TRABD2B: variants seen among roughly 807,000 people sequenced by gnomAD.
TRABD2B encodes metalloprotease TIKI2.
TRABD2B carries 14 observed loss-of-function variants against 40.1 expected under a neutral mutation model. The observed-to-expected ratio is 0.35, with a 90% CI of 0.23 to 0.55. TRABD2B has a LOEUF of 0.55. Among genes scored for constraint, TRABD2B ranks in the 20% least tolerant of loss-of-function variants. The pLI is 0.90. For missense variants in TRABD2B, 541 were observed against 648.6 expected, an observed-to-expected ratio of 0.83 and a Z score of 1.80; for synonymous variants, 263 against 277.0, an observed-to-expected ratio of 0.95 and a Z score of 0.50.
At chr1:47,805,848 C>T (rs1448104819) in intron 2 of TRABD2B, among the ~76,000 whole-genome samples, 1 of 152,026 alleles carries the variant, frequency 6.6e-6, no homozygotes, top group Non-Finnish European at 1.5e-5. Flanking sequence ...AAAGAGACAT[C>T]AAATACCTTG....
At chr1:47,851,798 C>A (rs969017163) in intron 2 of TRABD2B, among the ~76,000 whole-genome samples, 1 of 152,182 alleles carries the variant, frequency 6.6e-6, no homozygotes, top group Admixed American at 6.5e-5. Flanking sequence ...CTGTCCTGGG[C>A]CTTCCCATTG....
chr1:47,912,342 T>C (rs1644773853), intron 2 of TRABD2B, among the ~76,000 whole-genome samples: 1 of 152,264 alleles, frequency 6.6e-6, no homozygotes, highest in Non-Finnish European at 1.5e-5. Flanking sequence ...TTCAAAGTAA[T>C]TACCTTCCAA....
intron 2 of TRABD2B, among the ~76,000 whole-genome samples, chr1:47,847,521 G>A (rs1240585762): frequency 6.6e-6 from 1 of 152,216 alleles, no homozygotes; most frequent in Non-Finnish European, 1.5e-5. Flanking sequence ...TCACTGGACT[G>A]ATGGGGAAAC....
intron 2 of TRABD2B, among the ~76,000 whole-genome samples, chr1:47,956,336 T>C (rs1326753506): frequency 6.6e-6 from 1 of 152,204 alleles, no homozygotes; most frequent in African/African-American, 2.4e-5. Flanking sequence ...ACTAAGGTAC[T>C]GGGTTCATCT....
chr1:47,984,535 A>T (rs972445063), intron 2 of TRABD2B, among the ~76,000 whole-genome samples: 8 of 152,184 alleles, frequency 5.3e-5, no homozygotes, highest in Admixed American at 5.2e-4. Context: ...AGGTGGAGGG[A>T]CACCAGCAGG....
intron 2 of TRABD2B, among the ~76,000 whole-genome samples, chr1:47,802,042 G>A (rs1233459734): frequency 1.3e-5 from 2 of 152,216 alleles, no homozygotes; most frequent in African/African-American, 4.8e-5. Flanking sequence ...CAAAAGGCCC[G>A]GTTGGATGTC....
intron 2 of TRABD2B, among the ~76,000 whole-genome samples, chr1:47,804,833 G>T (rs1028412864): frequency 5.9e-5 from 9 of 152,204 alleles, no homozygotes; most frequent in Non-Finnish European, 1.2e-4. Flanking sequence ...CCATGTTCTT[G>T]CTGTTGTTTT....
chr1:47,907,666 T>G lies in TRABD2B; in HGVS notation c.666+86368A>C, dbSNP rs1483424039. On this transcript the variant is annotated intron_variant, in intron 2 of 6. Coordinates refer to ENST00000606738, the MANE Select transcript of TRABD2B (RefSeq NM_001194986.2). The stretch of plus-strand genomic sequence containing the variant: ...GTGCACTCATGTTTGTTCTCACTCT[T>G]TAACCATCTAAAGGAGGAGGATCCC... 2.0e-5 allele frequency among the ~76,000 whole-genome samples: 3 copies of G among 152,270 alleles called. No homozygotes were observed. In the East Asian group the frequency reaches 5.8e-4, roughly 29 times the overall value.
intron 2 of TRABD2B, among the ~76,000 whole-genome samples, chr1:47,876,210 A>G (rs1348475481): frequency 6.6e-6 from 1 of 152,160 alleles, no homozygotes; most frequent in Non-Finnish European, 1.5e-5. Context: ...AGTTCAGTCA[A>G]CTCAAGTGGG....
At chr1:47,783,850 G>C (rs966528295) in intron 4 of TRABD2B, among the ~76,000 whole-genome samples, 17 of 152,230 alleles carry the variant, frequency 1.1e-4, no homozygotes, top group Admixed American at 7.8e-4. Context: ...AGGCAGGGTA[G>C]AGCGAGTGCT....
intron 2 of TRABD2B, among the ~76,000 whole-genome samples, chr1:47,877,543 C>T (rs143608349): frequency 6.6e-6 from 1 of 152,274 alleles, no homozygotes; most frequent in East Asian, 1.9e-4. Flanking sequence ...GAAAGCATCT[C>T]GCCATCTCTA....
intron 2 of TRABD2B, among the ~76,000 whole-genome samples, chr1:47,963,379 T>C (rs1645550726): frequency 6.6e-6 from 1 of 152,132 alleles, no homozygotes. Context: ...TCAGAGCCCA[T>C]CCCTCTTGAT....
chr1:47,934,331 TC>T (rs1370395946), intron 2 of TRABD2B, among the ~76,000 whole-genome samples: 16 of 152,036 alleles, frequency 1.1e-4, no homozygotes, highest in Non-Finnish European at 4.4e-5. Flanking sequence ...TCCTCCCCAT[TC>T]CCACACCCCC....
chr1:47,966,211 A>T (rs1163847407), intron 2 of TRABD2B, among the ~76,000 whole-genome samples: 1 of 152,126 alleles, frequency 6.6e-6, no homozygotes, highest in African/African-American at 2.4e-5. Context: ...GGGAACCCTT[A>T]GGAACCCTGG....
intron 2 of TRABD2B, among the ~76,000 whole-genome samples, chr1:47,864,599 C>T (rs759807160): frequency 3.3e-5 from 5 of 152,224 alleles, no homozygotes; most frequent in South Asian, 2.1e-4. Flanking sequence ...CTGAAGTAGC[C>T]TTAGTTTGCT....
intron 2 of TRABD2B, among the ~76,000 whole-genome samples, chr1:47,831,163 A>G (rs1645243003): frequency 6.6e-6 from 1 of 151,934 alleles, no homozygotes; most frequent in African/African-American, 2.4e-5. Context: ...TTTTCCCTCT[A>G]ATTGTCTGGA....
chr1:47,903,928 CTCTCCTGCCTCTG>C (rs1644639867), intron 2 of TRABD2B, among the ~76,000 whole-genome samples: 1 of 152,208 alleles, frequency 6.6e-6, no homozygotes, highest in Non-Finnish European at 1.5e-5. Flanking sequence ...GATCAGGTCA[CTCTCCTGCCTCTG>C]CCTCCTGCTC....
At chr1:47,890,255 T>A (rs1644426117) in intron 2 of TRABD2B, among the ~76,000 whole-genome samples, 1 of 151,978 alleles carries the variant, frequency 6.6e-6, no homozygotes, top group South Asian at 2.1e-4. Context: ...CGGGGTCAGG[T>A]GGTAATAGCA....
intron 3 of TRABD2B, among the ~76,000 whole-genome samples, chr1:47,796,810 T>C (rs1463082306): frequency 2.0e-5 from 3 of 152,076 alleles, no homozygotes; most frequent in African/African-American, 4.8e-5. Flanking sequence ...AAAGCGATAA[T>C]TGGAAACCCT....
Sources: gnomAD v4.1 joint callset for allele counts (sites outside exome capture counted in the v4.1 genomes callset) on GRCh38, gnomAD v4.1.1 for gene constraint, MANE v1.5 for transcripts, NCBI Gene and HGNC (gene_info 2026-07-23, HGNC 2026-07-21) for gene names.